RFC1: variants seen among roughly 807,000 people sequenced by gnomAD.
RFC1 encodes the protein A1 140 kDa subunit.
In RFC1, 37 loss-of-function variants were observed where a neutral mutation model predicts 137.4. The ratio of observed to expected loss-of-function variants is 0.27; its 90% CI spans 0.21 to 0.35. The LOEUF is 0.35. Among genes scored for constraint, RFC1 ranks in the 10% least tolerant of loss-of-function variants. The pLI, the probability that RFC1 is intolerant of heterozygous loss-of-function variation, is 1.00. For missense variants in RFC1, 1,205 were observed against 1,358.5 expected (o/e 0.89, Z 1.78); for synonymous variants, 429 against 455.7 (o/e 0.94, Z 0.75).
At chr4:39,325,553 T>C (rs1391058377) in intron 6 of RFC1, among the ~76,000 whole-genome samples, 2 of 152,108 alleles carry the variant, frequency 1.3e-5, no homozygotes, top group African/African-American at 2.4e-5. Context: ...CAGTTGATTT[T>C]TGTATTTTTG....
rs1339139106 is a variant in RFC1, at chr4:39,308,643, T to A, written c.1878A>T (p.Lys626Asn). The change falls in exon 13 of 25, where the codon AAA (lysine) becomes AAT (asparagine). Residue 626 changes from lysine (K) to asparagine (N), a missense_variant. By Grantham distance (94) the Lys-to-Asn change is moderately conservative. This residue lies in a region of RFC1 where 962 missense variants were observed against 1,035.3 expected (regional missense o/e 0.93). Coordinates refer to ENST00000349703, the MANE Select transcript of RFC1 (RefSeq NM_002913.5). The part of the protein sequence containing the change: ...RNWQKSSSED[K>N]KHAKFGKFSG... ...GTGAGGTTGTAAAATCACCGTGTTT[T>A]TTATCTTCGGAAGAACTCTTTTGCC... is the stretch of plus-strand genomic sequence containing the variant. 8 of 1,608,228 alleles carry A rather than the reference T, an allele frequency of 5.0e-6. No homozygotes were observed. The highest frequency in any genetic ancestry group is 6.8e-6 in the Non-Finnish European group (8 of 1,176,012).
At chr4:39,336,661 C>T (rs938338751) in intron 4 of RFC1, among the ~76,000 whole-genome samples, 8 of 152,216 alleles carry the variant, frequency 5.3e-5, no homozygotes, top group East Asian at 1.9e-4. Flanking sequence ...ACTTACATGC[C>T]GTAGCATCCC....
chr4:39,340,167 C>A (rs1218253696), intron 4 of RFC1, among the ~76,000 whole-genome samples: 3 of 152,156 alleles, frequency 2.0e-5, no homozygotes, highest in African/African-American at 7.2e-5. Context: ...TGCTTTTAAA[C>A]AGTATACATG....
intron 12 of RFC1, among the ~76,000 whole-genome samples, chr4:39,309,724 GT>G (rs1200768133): frequency 6.6e-6 from 1 of 152,204 alleles, no homozygotes; most frequent in Non-Finnish European, 1.5e-5. Context: ...TGAGGAAAAT[GT>G]TCTGGAATTA....
intron 1 of RFC1, among the ~76,000 whole-genome samples, chr4:39,361,776 C>A (rs530499904): frequency 1.3e-5 from 2 of 152,198 alleles, no homozygotes; most frequent in African/African-American, 4.8e-5. Flanking sequence ...CAGCTGGGCG[C>A]GGTGGCTCAC....
intron 13 of RFC1, 74 bp from the exon 14 acceptor site, chr4:39,306,775 T>C (rs1738689942): frequency 7.2e-6 from 6 of 835,376 alleles, no homozygotes. Flanking sequence ...CAGAAATAGT[T>C]ATGCCTAAAC....
chr4:39,332,773 T>C lies in RFC1; in HGVS notation c.332-5017A>G, dbSNP rs13135933. On this transcript the variant is annotated intron_variant, in intron 4 of 24. Coordinates refer to ENST00000349703, the MANE Select transcript of RFC1 (RefSeq NM_002913.5). ...TTCCTTACGTCCCCTTCTCTATAAATAGTAAAACAGTTTCAAGCCAATCAA... is the reference window on the plus strand; with the variant it reads ...TTCCTTACGTCCCCTTCTCTATAAACAGTAAAACAGTTTCAAGCCAATCAA... Among the ~76,000 whole-genome samples, 1,266 of 152,294 alleles carry C rather than the reference T, an allele frequency of 8.3e-3. 9 individuals are homozygous for C. Among genetic ancestry groups the C allele is most frequent in the Middle Eastern group, 0.044 (13 of 294 alleles).
intron 10 of RFC1, among the ~76,000 whole-genome samples, chr4:39,316,453 C>A (rs17288300): frequency 0.031 from 4,708 of 152,176 alleles, 162 homozygotes; most frequent in East Asian, 0.17. Flanking sequence ...GCCATCACAA[C>A]CCCTTCACAC....
intron 17 of RFC1, 25 bp from the exon 18 acceptor site, chr4:39,302,620 T>C (rs777735299): frequency 2.6e-6 from 4 of 1,530,050 alleles, no homozygotes; most frequent in Admixed American, 2.0e-5. Flanking sequence ...GGAGGAGTCC[T>C]CAATGATTTT....
chr4:39,288,606 C>A lies in RFC1; in HGVS notation c.*155G>T. The A allele has an allele frequency of 1.6e-6, 1 of 627,978 alleles. No individual in the cohort carries two copies. Among genetic ancestry groups the A allele is most frequent in the Non-Finnish European group, 2.9e-6 (1 of 348,194 alleles). The allele number at this position is 627,978 out of a possible 1,614,324, so 38.9% of individuals were successfully genotyped here. ...TGTACATAAGCCTACTGCTCATACC[C>A]TTCTAGCCATACCACCCTTTATTTA... On this transcript the variant is annotated 3_prime_UTR_variant, in exon 25 of 25. Coordinates refer to ENST00000349703, the MANE Select transcript of RFC1 (RefSeq NM_002913.5).
intron 14 of RFC1, among the ~76,000 whole-genome samples, chr4:39,305,444 T>G (rs1214614638): frequency 1.3e-5 from 2 of 151,946 alleles, no homozygotes. Flanking sequence ...CCATCTCGAC[T>G]AAAAATACAA....
At chr4:39,300,463 G>A (rs750488198) in intron 19 of RFC1, 49 bp from the exon 20 acceptor site, 7 of 1,362,818 alleles carry the variant, frequency 5.1e-6, no homozygotes, top group South Asian at 1.2e-5. Flanking sequence ...AATTCAAAAC[G>A]GTAACATCAC....
Position 39,302,605 on chromosome 4 carries a change from A to G in RFC1, c.2341-10T>C, listed in dbSNP as rs750939904. The stretch of plus-strand genomic sequence containing the variant: ...TAGACATCATAGCACCCTGAAATTG[A>G]CAAGGGAGGAGTCCTCAATGATTTT... On this transcript the variant is annotated splice_polypyrimidine_tract_variant and intron_variant, in intron 17 of 24. Transcript: ENST00000349703. 2 of 1,565,398 alleles carry G rather than the reference A, an allele frequency of 1.3e-6. No individual in the cohort carries two copies. Among genetic ancestry groups the G allele is most frequent in the South Asian group, 2.3e-5 (2 of 86,530 alleles).
At chr4:39,334,523 T>C (rs1352243925) in intron 4 of RFC1, among the ~76,000 whole-genome samples, 1 of 152,338 alleles carries the variant, frequency 6.6e-6, no homozygotes, top group East Asian at 1.9e-4. Flanking sequence ...TCCTACACAG[T>C]GTGTAGAGAT....
intron 1 of RFC1, among the ~76,000 whole-genome samples, chr4:39,357,026 G>A (rs1300179529): frequency 1.3e-5 from 2 of 152,152 alleles, no homozygotes; most frequent in Admixed American, 1.3e-4. Context: ...TATGGACCAA[G>A]AACTATTTTT....
chr4:39,302,936 T>TA, intron 16 of RFC1, 62 bp from the exon 17 acceptor site: 1 of 1,522,038 alleles, frequency 6.6e-7, no homozygotes, highest in South Asian at 1.2e-5. Context: ...CCACACAAGC[T>TA]ATTTTAGGTT....
At chr4:39,327,487 A>G (rs577738322) in intron 5 of RFC1, 37 bp downstream of exon 5, 363 of 1,376,116 alleles carry the variant, frequency 2.6e-4, no homozygotes, top group Non-Finnish European at 3.5e-4. Context: ...AATGGGTATA[A>G]ATCCTGAGCA....
intron 1 of RFC1, among the ~76,000 whole-genome samples, chr4:39,360,745 A>AG (rs1239734704): frequency 6.6e-6 from 1 of 152,090 alleles, no homozygotes; most frequent in Non-Finnish European, 1.5e-5. Flanking sequence ...AGAAAAAAAA[A>AG]GGAGAAAGCA....
chr4:39,293,095 A>C (rs570802883), intron 22 of RFC1, among the ~76,000 whole-genome samples: 75 of 152,286 alleles, frequency 4.9e-4, no homozygotes, highest in African/African-American at 1.6e-3. Flanking sequence ...TTTCCTGATC[A>C]GAAATCTAGA....
Sources: gnomAD v4.1 joint callset for allele counts (sites outside exome capture counted in the v4.1 genomes callset) on GRCh38, gnomAD v4.1.1 for gene constraint, gnomAD v4.1.1 regional missense constraint, MANE v1.5 for transcripts, NCBI Gene and HGNC (gene_info 2026-07-23, HGNC 2026-07-21) for gene names.